KSR2: variants seen among roughly 807,000 people sequenced by gnomAD.
The protein encoded by KSR2 is kinase suppressor of ras 2.
Under a neutral mutation model 107.8 loss-of-function variants are expected in KSR2, and 25 were observed. The observed-to-expected ratio is 0.23, with a 90% CI of 0.17 to 0.32. The LOEUF is 0.32. Ranked by LOEUF, KSR2 falls within the 10% of genes least tolerant of loss-of-function variation. The probability of loss-of-function intolerance (pLI) is 1.00; values close to 1 mark genes in which losing one functional copy is unlikely to be tolerated. For synonymous variants in KSR2, 480 were observed against 507.0 expected, an observed-to-expected ratio of 0.95 and a Z score of 0.71; for missense variants, 887 against 1,268.9, an observed-to-expected ratio of 0.70 and a Z score of 4.57.
intron 4 of KSR2, among the ~76,000 whole-genome samples, chr12:117,694,991 C>A (rs1338845062): frequency 6.6e-6 from 1 of 151,870 alleles, no homozygotes; most frequent in East Asian, 1.9e-4. Context: ...GCTGGGACGA[C>A]AGGTGCACGC....
intron 4 of KSR2, among the ~76,000 whole-genome samples, chr12:117,668,418 G>C (rs898437363): frequency 1.3e-5 from 2 of 152,166 alleles, no homozygotes; most frequent in Non-Finnish European, 2.9e-5. Context: ...GGATCTGATG[G>C]GGTGCCTCAC....
In KSR2 at chr12:117,696,568, G is replaced by A. The variant is rs373268470; in HGVS notation, c.987-28910C>T. On this transcript the variant is annotated intron_variant, in intron 4 of 19. Coordinates refer to ENST00000339824, the MANE Select transcript of KSR2 (RefSeq NM_173598.6). ...GTAGGGGGGCTTGGGAGTTGGAAGG[G>A]GATTCAGATCCAGCTCTGTGGCTGA... Among the ~76,000 whole-genome samples, 290 of 152,116 alleles carry A rather than the reference G, an allele frequency of 1.9e-3. 2 individuals carry two copies. Among genetic ancestry groups the A allele is most frequent in the African/African-American group, 6.6e-3 (273 of 41,476 alleles).
At chr12:117,617,982 T>C (rs1334773309) in intron 5 of KSR2, among the ~76,000 whole-genome samples, 1 of 152,230 alleles carries the variant, frequency 6.6e-6, no homozygotes, top group Non-Finnish European at 1.5e-5. Flanking sequence ...CTCAAATATC[T>C]GGATCTCTTC....
rs913480588 is a variant in KSR2, at chr12:117,531,550, C to T, written c.1729+116G>A. Reference sequence around the variant, plus strand: ...ATTATCCTGGAGTGTGGTGACTCCACTACCCTCTTTGATCTTAGGCACCCC... The same window carrying T: ...ATTATCCTGGAGTGTGGTGACTCCATTACCCTCTTTGATCTTAGGCACCCC... On this transcript the variant is annotated intron_variant, in intron 11 of 19. Coordinates refer to ENST00000339824, the MANE Select transcript of KSR2 (RefSeq NM_173598.6). The T allele has an allele frequency of 8.2e-6, 7 of 850,292 alleles. No homozygotes were observed. In the African/African-American group the frequency reaches 1.0e-4, roughly 13 times the overall value. 52.7% of individuals were successfully genotyped at this position (850,292 alleles called of 1,614,324 possible). A position where few individuals can be genotyped will look rare whatever the true frequency, so the allele number is the denominator to read the frequency against.
chr12:117,879,198 C>T (rs1242620097), intron 1 of KSR2, among the ~76,000 whole-genome samples: 2 of 151,932 alleles, frequency 1.3e-5, no homozygotes, highest in African/African-American at 4.8e-5. Context: ...ATAAATAATC[C>T]CATGATATTA....
chr12:117,657,218 C>A (rs945212111), intron 5 of KSR2, among the ~76,000 whole-genome samples: 3 of 151,682 alleles, frequency 2.0e-5, no homozygotes, highest in Admixed American at 2.0e-4. Context: ...TCTTACTCTG[C>A]CGCTATGGAC....
intron 15 of KSR2, 67 bp downstream of exon 15, chr12:117,485,528 G>T: frequency 1.6e-6 from 2 of 1,223,136 alleles, no homozygotes; most frequent in South Asian, 1.2e-5. Context: ...CCTGGGGTAG[G>T]GGGGCTTCCC....
chr12:117,561,606 G>C (rs544464750), intron 7 of KSR2, among the ~76,000 whole-genome samples: 12 of 152,122 alleles, frequency 7.9e-5, no homozygotes, highest in African/African-American at 2.4e-4. Flanking sequence ...TAACATCTTG[G>C]GGGTAGGTGT....
At chr12:117,762,915 G>C (rs2136879340) in intron 3 of KSR2, among the ~76,000 whole-genome samples, 1 of 151,834 alleles carries the variant, frequency 6.6e-6, no homozygotes, top group South Asian at 2.1e-4. Context: ...TATACTTTAA[G>C]TTTTAGGGTA....
At chr12:117,585,802 G>C (rs1479751217) in intron 5 of KSR2, among the ~76,000 whole-genome samples, 3 of 152,180 alleles carry the variant, frequency 2.0e-5, no homozygotes, top group African/African-American at 7.2e-5. Flanking sequence ...CTAATTTTCT[G>C]ATAACAAGTC....
chr12:117,661,860 C>T (rs1268654970), intron 5 of KSR2, among the ~76,000 whole-genome samples: 3 of 152,198 alleles, frequency 2.0e-5, no homozygotes, highest in Non-Finnish European at 4.4e-5. Flanking sequence ...AAGCTGGTTG[C>T]TTCTGGGAAG....
intron 14 of KSR2, among the ~76,000 whole-genome samples, chr12:117,519,517 G>A (rs1163697488): frequency 6.6e-6 from 1 of 152,084 alleles, no homozygotes; most frequent in African/African-American, 2.4e-5. Context: ...ACGAAGCACA[G>A]ATTTACATAA....
chr12:117,855,585 G>A lies in KSR2; in HGVS notation c.322-7C>T, dbSNP rs769241997. ...GCTGGCCGGGGGAGATTTCCTAGAG[G>A]AGGGGAGAAGGATTGTCAACCGTGG... On this transcript the variant is annotated splice_polypyrimidine_tract_variant and splice_region_variant and intron_variant, in intron 2 of 19. Coordinates refer to ENST00000339824, the MANE Select transcript of KSR2 (RefSeq NM_173598.6). 7 of 1,613,880 alleles carry A rather than the reference G, an allele frequency of 4.3e-6. No homozygotes were observed. The highest frequency in any genetic ancestry group is 1.3e-5 in the African/African-American group (1 of 75,052).
chr12:117,626,681 G>A (rs190837210), intron 5 of KSR2, among the ~76,000 whole-genome samples: 140 of 152,304 alleles, frequency 9.2e-4, no homozygotes, highest in African/African-American at 3.2e-3. Context: ...TGTATACTCT[G>A]TTGATTTGGG....
chr12:117,762,377 T>C (rs562858274), intron 3 of KSR2, among the ~76,000 whole-genome samples: 3 of 152,316 alleles, frequency 2.0e-5, no homozygotes, highest in South Asian at 4.1e-4. Context: ...ATTCATGCAT[T>C]TGTCCAGTAA....
intron 9 of KSR2, among the ~76,000 whole-genome samples, chr12:117,551,062 A>C (rs75722457): frequency 0.011 from 1,620 of 152,322 alleles, 32 homozygotes; most frequent in African/African-American, 0.037. Context: ...AACAGCTTGA[A>C]TACAGCAGGC....
rs1285480620 is a variant in KSR2, at chr12:117,457,222, A to G, written c.*9977T>C. On this transcript the variant is annotated 3_prime_UTR_variant, in exon 20 of 20. Transcript: ENST00000339824. ...GTGCTTTAAAAACCTATTTCCCTGC[A>G]ATGTTCACTTAAGGAGTCCCCTCCT... 2.0e-5 allele frequency: 3 copies of G among 152,150 alleles called. No individual in the cohort carries two copies. Among genetic ancestry groups the G allele is most frequent in the African/African-American group, 7.2e-5 (3 of 41,424 alleles). The allele number at this position is 152,150 out of a possible 1,614,324, so 9.4% of individuals were successfully genotyped here.
rs765681902 is a variant in KSR2, at chr12:117,622,190, A to G, written c.1172-39831T>C. 1.0e-4 allele frequency among the ~76,000 whole-genome samples: 15 copies of G among 149,438 alleles called. 1 individual carries two copies. Among genetic ancestry groups the G allele is most frequent in the Non-Finnish European group, 1.8e-4 (12 of 67,184 alleles). On this transcript the variant is annotated intron_variant, in intron 5 of 19. Transcript: ENST00000339824. ...TCTCTACATCTCTCTGCACTTCTAT[A>G]TTTTTTTTTTGTTTAAGTATGGTGG...
chr12:117,898,366 C>A (rs1418589097), intron 1 of KSR2, among the ~76,000 whole-genome samples: 1 of 149,382 alleles, frequency 6.7e-6, no homozygotes, highest in South Asian at 2.1e-4. Flanking sequence ...GGGTCTTGCT[C>A]TGTTGCCCAG....
Sources: gnomAD v4.1 joint callset for allele counts (sites outside exome capture counted in the v4.1 genomes callset) on GRCh38, gnomAD v4.1.1 for gene constraint, MANE v1.5 for transcripts, NCBI Gene and HGNC (gene_info 2026-07-23, HGNC 2026-07-21) for gene names.